The following MYO16 variants were observed in gnomAD, a reference collection of about 807,000 sequenced individuals.
MYO16 encodes the protein unconventional myosin-XVI.
A neutral mutation model predicts 205.3 loss-of-function variants in MYO16; 94 were observed. The observed-to-expected ratio is 0.46, with a 90% CI of 0.39 to 0.54. The LOEUF (loss-of-function observed/expected upper bound fraction) is 0.54, where lower values mean the gene tolerates loss of function less well. MYO16 is among the 20% of genes least tolerant of loss of function. MYO16 has a pLI of 0.00. For synonymous variants in MYO16, 988 were observed against 954.0 expected (o/e 1.04, Z -0.66); for missense variants, 2,315 against 2,387.5 (o/e 0.97, Z 0.63).
intron 1 of MYO16, among the ~76,000 whole-genome samples, chr13:108,624,247 A>G (rs1879649506): frequency 6.6e-6 from 1 of 152,192 alleles, no homozygotes; most frequent in Non-Finnish European, 1.5e-5. Flanking sequence ...CTGTTCAAAC[A>G]TTTCAGCCTG....
chr13:108,883,250 T>C, intron 13 of MYO16, 64 bp downstream of exon 13: 2 of 1,559,482 alleles, frequency 1.3e-6, no homozygotes, highest in Non-Finnish European at 1.7e-6. Flanking sequence ...AGTAAAGATG[T>C]ACTCATTTCC....
intron 20 of MYO16, among the ~76,000 whole-genome samples, chr13:108,975,485 G>T (rs1164684625): frequency 1.3e-5 from 2 of 152,090 alleles, no homozygotes; most frequent in Non-Finnish European, 2.9e-5. Flanking sequence ...GTCAACTTGG[G>T]CAGGTTAAAT....
At chr13:108,819,328 T>C (rs1189727359) in intron 7 of MYO16, among the ~76,000 whole-genome samples, 2 of 152,170 alleles carry the variant, frequency 1.3e-5, no homozygotes, top group Admixed American at 1.3e-4. Flanking sequence ...ACTCAAAAAT[T>C]TCGCGGTAAG....
In MYO16 at chr13:109,063,632, G is replaced by C. The variant is rs75786568; in HGVS notation, c.3335+8037G>C. On this transcript the variant is annotated intron_variant, in intron 27 of 34. Coordinates refer to ENST00000457511, the MANE Select transcript of MYO16 (RefSeq NM_001198950.3). ...CCAGAACTGTGAGAAATAGATTTCT[G>C]TTTTTTAAGCTGCTCAATCTACAGT... is the stretch of plus-strand genomic sequence containing the variant. 4.8e-3 allele frequency among the ~76,000 whole-genome samples: 727 copies of C among 152,258 alleles called. 5 individuals are homozygous for C. Among genetic ancestry groups the C allele is most frequent in the African/African-American group, 0.017 (693 of 41,546 alleles).
upstream of MYO16, among the ~76,000 whole-genome samples, chr13:108,626,005 A>T (rs973849535): frequency 1.3e-5 from 2 of 152,228 alleles, no homozygotes; most frequent in African/African-American, 4.8e-5. Context: ...GCTGTGTCTC[A>T]TGTATCCCAT....
At chr13:108,977,761 A>G (rs1201360601) in intron 20 of MYO16, among the ~76,000 whole-genome samples, 1 of 152,036 alleles carries the variant, frequency 6.6e-6, no homozygotes, top group Admixed American at 6.5e-5. Flanking sequence ...TATCAATGAT[A>G]TATTGCTTTA....
At chr13:108,884,715 A>G (rs1323842641) in intron 13 of MYO16, among the ~76,000 whole-genome samples, 1 of 151,538 alleles carries the variant, frequency 6.6e-6, no homozygotes, top group African/African-American at 2.4e-5. Flanking sequence ...AATGATGAGA[A>G]AGGCTCTGAG....
intron 27 of MYO16, among the ~76,000 whole-genome samples, chr13:109,062,672 A>G (rs9559479): frequency 0.18 from 26,771 of 152,074 alleles, 2,411 homozygotes; most frequent in East Asian, 0.28. Context: ...CAGTTTCTGT[A>G]GAAACTGAAG....
chr13:108,503,573 G>A, the MYO16 span, among the ~76,000 whole-genome samples: 1 of 152,110 alleles, frequency 6.6e-6, no homozygotes, highest in East Asian at 1.9e-4. Flanking sequence ...CCCATGCCAG[G>A]AGACTGAAAG....
chr13:108,498,639 T>G, the MYO16 span, among the ~76,000 whole-genome samples: 2 of 152,142 alleles, frequency 1.3e-5, no homozygotes, highest in Admixed American at 1.3e-4. Flanking sequence ...GAGATTAAAA[T>G]GCATACAATT....
chr13:109,093,108 C>T (rs1203164796), intron 27 of MYO16, among the ~76,000 whole-genome samples: 1 of 152,072 alleles, frequency 6.6e-6, no homozygotes, highest in Non-Finnish European at 1.5e-5. Flanking sequence ...ATGTACTTGA[C>T]GAATGGGACT....
At chr13:108,814,353 T>C (rs757291565) in intron 7 of MYO16, among the ~76,000 whole-genome samples, 2 of 152,118 alleles carry the variant, frequency 1.3e-5, no homozygotes, top group Non-Finnish European at 2.9e-5. Flanking sequence ...CTTTTCTTTC[T>C]GAATTTCTCT....
At chr13:109,166,624 C>G (rs750434793) in intron 33 of MYO16, 2 of 152,216 alleles carry the variant, frequency 1.3e-5, no homozygotes, top group Non-Finnish European at 2.9e-5. Context: ...ATTTTTATAA[C>G]ATTCAACATA....
At chr13:108,536,788 A>C in the MYO16 span, among the ~76,000 whole-genome samples, 2 of 152,122 alleles carry the variant, frequency 1.3e-5, no homozygotes, top group African/African-American at 4.8e-5. Flanking sequence ...CAACAGTTGA[A>C]TGTCTTAATA....
chr13:109,072,979 G>A (rs919204019), intron 27 of MYO16, among the ~76,000 whole-genome samples: 1 of 152,054 alleles, frequency 6.6e-6, no homozygotes, highest in African/African-American at 2.4e-5. Flanking sequence ...CTAATTGAGT[G>A]CCCTTGCAGT....
intron 1 of MYO16, among the ~76,000 whole-genome samples, chr13:108,645,332 A>G (rs956559303): frequency 5.3e-5 from 8 of 152,246 alleles, no homozygotes; most frequent in Non-Finnish European, 1.2e-4. Flanking sequence ...TCTTTAATGA[A>G]GTCATGTTTC....
At chr13:108,805,119 G>A (rs752584923) in intron 6 of MYO16, among the ~76,000 whole-genome samples, 11 of 152,292 alleles carry the variant, frequency 7.2e-5, no homozygotes, top group Middle Eastern at 3.4e-3. Flanking sequence ...TTCAGATAAC[G>A]TAGAATCAAT....
rs1300113671 is a variant in MYO16 at position 109,179,439 on chromosome 13, T to G, written c.5324-103T>G. On this transcript the variant is annotated intron_variant, in intron 33 of 34. Transcript: ENST00000457511. The stretch of plus-strand genomic sequence containing the variant: ...TGTGTTTAAGGATCATCATTTCAAT[T>G]CATAAAAGATAACAATTCTAGTTTA... The G allele has an allele frequency of 8.2e-6, 6 of 734,978 alleles. No individual in the cohort carries two copies. The East Asian group carries it at 1.0e-4, about 13-fold the overall frequency. The allele number at this position is 734,978 out of a possible 1,614,324, so 45.5% of individuals were successfully genotyped here.
intron 3 of MYO16, among the ~76,000 whole-genome samples, chr13:108,720,047 C>A (rs985511378): frequency 7.9e-5 from 12 of 152,276 alleles, no homozygotes; most frequent in South Asian, 2.1e-4. Context: ...TGGCTGGAAG[C>A]TGCGGCTCTC....
Sources: allele counts gnomAD v4.1 joint callset (sites outside exome capture counted in the v4.1 genomes callset), GRCh38; gene constraint gnomAD v4.1.1; transcripts MANE v1.5; gene names NCBI Gene and HGNC (gene_info 2026-07-23, HGNC 2026-07-21).